Variants in CNTNAP5 observed in about 807,000 individuals in gnomAD.
CNTNAP5 encodes the protein contactin-associated protein-like 5.
A neutral mutation model predicts 150.2 loss-of-function variants in CNTNAP5; 72 were observed. That is an observed-to-expected ratio of 0.48 (90% CI 0.40 to 0.58). CNTNAP5 has a LOEUF of 0.58. Ranked by LOEUF, CNTNAP5 falls within the 20% of genes least tolerant of loss-of-function variation. The pLI is 0.00. For missense variants in CNTNAP5, 1,636 were observed against 1,626.2 expected (o/e 1.01, Z -0.10); for synonymous variants, 672 against 619.8 (o/e 1.08, Z -1.25).
At chr2:124,524,658 C>G (rs1239763257) in intron 9 of CNTNAP5, among the ~76,000 whole-genome samples, 1 of 152,112 alleles carries the variant, frequency 6.6e-6, no homozygotes, top group Non-Finnish European at 1.5e-5. Context: ...TATAAATTAT[C>G]TAGGTCAGTG....
At position 124,362,377 on chromosome 2, in the gene CNTNAP5, A is replaced by G. The variant is rs1047785195; in HGVS notation, c.382-55066A>G. Among the ~76,000 whole-genome samples the G allele has an allele frequency of 3.3e-5, 5 of 152,238 alleles. No individual in the cohort carries two copies. In the East Asian group the frequency reaches 9.6e-4, roughly 29 times the overall value. ...AATATCATTAACAAGATAGTCCTGA[A>G]AGCGATAAAGAGGATATATCGACTA... On this transcript the variant is annotated intron_variant, in intron 3 of 23. Coordinates refer to ENST00000682447, the MANE Select transcript of CNTNAP5 (RefSeq NM_001367498.1).
chr2:124,145,787 A>G (rs1356419051), intron 1 of CNTNAP5, among the ~76,000 whole-genome samples: 1 of 126,034 alleles, frequency 7.9e-6, no homozygotes, highest in East Asian at 2.4e-4. Flanking sequence ...TAAAACTTAA[A>G]GTATAATAAA....
At chr2:124,335,038 AAATTTTCATCCAC>A (rs1389382403) in intron 3 of CNTNAP5, among the ~76,000 whole-genome samples, 1 of 152,106 alleles carries the variant, frequency 6.6e-6, no homozygotes, top group Non-Finnish European at 1.5e-5. Context: ...CATTGCCCCC[AAATTTTCATCCAC>A]AGAAACAGAC....
intron 4 of CNTNAP5, among the ~76,000 whole-genome samples, chr2:124,425,785 C>G (rs184625678): frequency 1.7e-3 from 254 of 152,222 alleles, no homozygotes; most frequent in Middle Eastern, 3.4e-3. Context: ...TTAGGGTGTT[C>G]GAGTTCCTCG....
intron 10 of CNTNAP5, among the ~76,000 whole-genome samples, chr2:124,537,969 C>T (rs1273921030): frequency 6.6e-6 from 1 of 152,164 alleles, no homozygotes; most frequent in Non-Finnish European, 1.5e-5. Context: ...GGTGAGAATC[C>T]TTCCCCACCA....
intron 13 of CNTNAP5, among the ~76,000 whole-genome samples, chr2:124,721,931 C>A (rs553654833): frequency 6.6e-6 from 1 of 152,150 alleles, no homozygotes; most frequent in Admixed American, 6.5e-5. Context: ...TGTGCAGATG[C>A]CTGCCTTCCT....
At chr2:124,789,596 C>T (rs1329306110) in intron 17 of CNTNAP5, among the ~76,000 whole-genome samples, 1 of 152,126 alleles carries the variant, frequency 6.6e-6, no homozygotes, top group Admixed American at 6.5e-5. Flanking sequence ...TGTTGCTCCC[C>T]TCTTTGCGTC....
intron 11 of CNTNAP5, among the ~76,000 whole-genome samples, chr2:124,593,071 T>G (rs150826467): frequency 6.6e-6 from 1 of 151,298 alleles, no homozygotes; most frequent in African/African-American, 2.4e-5. Flanking sequence ...TCAGCCTTGT[T>G]TTTCTCTAGT....
At chr2:124,788,485 AT>A (rs1328750951) in intron 17 of CNTNAP5, among the ~76,000 whole-genome samples, 1 of 152,228 alleles carries the variant, frequency 6.6e-6, no homozygotes. Flanking sequence ...GCACATATAT[AT>A]TAAGTAACTG....
At chr2:124,510,894 A>G (rs150687687) in intron 8 of CNTNAP5, among the ~76,000 whole-genome samples, 1 of 152,290 alleles carries the variant, frequency 6.6e-6, no homozygotes, top group African/African-American at 2.4e-5. Context: ...GCAATTCTCC[A>G]ATGAATGAGC....
chr2:124,279,528 A>T lies in CNTNAP5; in HGVS notation c.381+37135A>T, dbSNP rs116392028. Among the ~76,000 whole-genome samples, 613 of 151,898 alleles carry T rather than the reference A, an allele frequency of 4.0e-3. 4 individuals carry two copies. The highest frequency in any genetic ancestry group is 0.014 in the African/African-American group (572 of 41,490). ...GGCCCTCAAACTTCATTCAAACCTC[A>T]CCAATATCCATATGGTAGGGAAGGA... On this transcript the variant is annotated intron_variant, in intron 3 of 23. Coordinates refer to ENST00000682447, the MANE Select transcript of CNTNAP5 (RefSeq NM_001367498.1).
intron 11 of CNTNAP5, among the ~76,000 whole-genome samples, chr2:124,607,095 G>A (rs1374498292): frequency 1.3e-5 from 2 of 152,160 alleles, no homozygotes; most frequent in African/African-American, 4.8e-5. Flanking sequence ...AGTCTAATGA[G>A]ACAATTTATA....
chr2:124,822,428 T>G (rs537608843), intron 19 of CNTNAP5, among the ~76,000 whole-genome samples: 3 of 152,324 alleles, frequency 2.0e-5, no homozygotes, highest in African/African-American at 7.2e-5. Flanking sequence ...ATTACAGTCA[T>G]ACTATTGTGT....
chr2:124,209,622 C>T (rs1685953488), intron 1 of CNTNAP5, among the ~76,000 whole-genome samples: 2 of 152,088 alleles, frequency 1.3e-5, no homozygotes, highest in Admixed American at 1.3e-4. Flanking sequence ...CTTATCTAAA[C>T]CTCTACCTAA....
intron 6 of CNTNAP5, among the ~76,000 whole-genome samples, chr2:124,457,131 C>T (rs1260787842): frequency 1.3e-5 from 2 of 152,268 alleles, no homozygotes; most frequent in African/African-American, 4.8e-5. Context: ...AACAGACAAC[C>T]CACAAAGTGG....
intron 3 of CNTNAP5, among the ~76,000 whole-genome samples, chr2:124,281,182 G>A (rs1212441465): frequency 1.3e-5 from 2 of 152,102 alleles, no homozygotes; most frequent in African/African-American, 2.4e-5. Context: ...CAGTTTAAGA[G>A]AGAAAATTTT....
intron 19 of CNTNAP5, among the ~76,000 whole-genome samples, chr2:124,856,254 G>A (rs1677371819): frequency 6.6e-6 from 1 of 152,074 alleles, no homozygotes; most frequent in African/African-American, 2.4e-5. Context: ...TGGGCATTTG[G>A]GCTGGTTCCA....
chr2:124,725,064 T>C (rs1680128334), intron 13 of CNTNAP5, among the ~76,000 whole-genome samples: 1 of 151,992 alleles, frequency 6.6e-6, no homozygotes, highest in African/African-American at 2.4e-5. Flanking sequence ...TGTGTTCTTC[T>C]GTACAGGGTC....
chr2:124,756,694 A>G (rs578145980), intron 14 of CNTNAP5, among the ~76,000 whole-genome samples: 2 of 152,250 alleles, frequency 1.3e-5, no homozygotes, highest in African/African-American at 4.8e-5. Context: ...CTTCTCACTT[A>G]AAAGTGGGGG....
Sources: allele counts gnomAD v4.1 joint callset (sites outside exome capture counted in the v4.1 genomes callset), GRCh38; gene constraint gnomAD v4.1.1; transcripts MANE v1.5; gene names NCBI Gene and HGNC (gene_info 2026-07-23, HGNC 2026-07-21).